Variants in TRAPPC9 observed in about 807,000 individuals in gnomAD.
The protein encoded by TRAPPC9 is IKK2 binding protein.
A neutral mutation model predicts 124.0 loss-of-function variants in TRAPPC9; 83 were observed. The observed-to-expected ratio is 0.67, with a 90% CI of 0.56 to 0.80. TRAPPC9 has a LOEUF of 0.80. Among genes scored for constraint, TRAPPC9 ranks in the 30% least tolerant of loss-of-function variants. TRAPPC9 has a pLI of 0.00. For missense variants in TRAPPC9, 1,302 were observed against 1,508.3 expected (o/e 0.86, Z 2.27); for synonymous variants, 638 against 617.5 (o/e 1.03, Z -0.49).
At position 140,334,023 on chromosome 8, in the gene TRAPPC9, C is replaced by T. The variant is rs1305067452; in HGVS notation, c.1496-22649G>A. On this transcript the variant is annotated intron_variant, in intron 9 of 22. Transcript: ENST00000438773. ...TTCCCAAAACCTTACCAAAAAAGTG[C>T]CATTGTTTACAGATGAGAGAAATTG... 2.0e-5 allele frequency among the ~76,000 whole-genome samples: 3 copies of T among 152,196 alleles called. No individual in the cohort carries two copies. The East Asian group carries it at 5.8e-4, about 29-fold the overall frequency.
intron 15 of TRAPPC9, among the ~76,000 whole-genome samples, chr8:140,258,803 C>T (rs2064329444): frequency 6.6e-6 from 1 of 152,226 alleles, no homozygotes; most frequent in African/African-American, 2.4e-5. Context: ...GGGGCCAGGG[C>T]CCAAGGCCTC....
intron 10 of TRAPPC9, among the ~76,000 whole-genome samples, chr8:140,301,908 C>A (rs1490865953): frequency 6.6e-6 from 1 of 152,226 alleles, no homozygotes; most frequent in Admixed American, 6.5e-5. Context: ...TCAGCAACCT[C>A]CCAGAGCTCA....
chr8:140,379,684 C>T (rs1189660579), intron 7 of TRAPPC9, among the ~76,000 whole-genome samples: 2 of 152,102 alleles, frequency 1.3e-5, no homozygotes, highest in Non-Finnish European at 2.9e-5. Flanking sequence ...AGCAACTAGA[C>T]TGAAGCCTTG....
chr8:140,354,199 C>G (rs1037791143), intron 9 of TRAPPC9, among the ~76,000 whole-genome samples: 2 of 152,156 alleles, frequency 1.3e-5, no homozygotes, highest in Non-Finnish European at 2.9e-5. Flanking sequence ...TCCCTCTGCC[C>G]TTTTAAGAGA....
intron 17 of TRAPPC9, among the ~76,000 whole-genome samples, chr8:140,204,255 A>C (rs925896517): frequency 6.6e-6 from 1 of 151,974 alleles, no homozygotes; most frequent in Non-Finnish European, 1.5e-5. Context: ...TGGATTAAGA[A>C]AATGTGGCAC....
chr8:140,345,244 C>G lies in TRAPPC9; in HGVS notation c.1495+14806G>C, dbSNP rs141931337. 4.6e-5 allele frequency among the ~76,000 whole-genome samples: 7 copies of G among 152,304 alleles called. No homozygotes were observed. In the East Asian group the frequency reaches 1.2e-3, roughly 25 times the overall value. ...GTGTGGGTGGTGAAGCCACCAGGAA[C>G]AGAGATGGGGTGGAGGTGCTGAGGA... On this transcript the variant is annotated intron_variant, in intron 9 of 22. Transcript: ENST00000438773.
chr8:140,369,305 A>G (rs1422621694), intron 8 of TRAPPC9, among the ~76,000 whole-genome samples: 2 of 152,200 alleles, frequency 1.3e-5, no homozygotes, highest in Non-Finnish European at 2.9e-5. Flanking sequence ...AGGACCTGAG[A>G]GCTCTGTGCA....
intron 10 of TRAPPC9, among the ~76,000 whole-genome samples, chr8:140,303,219 CATT>C (rs2066033229): frequency 6.6e-6 from 1 of 152,156 alleles, no homozygotes; most frequent in Admixed American, 6.5e-5. Context: ...TAAACGCCTT[CATT>C]AACTCTTAAG....
chr8:139,763,761 C>G (rs953689518), intron 21 of TRAPPC9, among the ~76,000 whole-genome samples: 1 of 152,178 alleles, frequency 6.6e-6, no homozygotes, highest in South Asian at 2.1e-4. Context: ...TCAGGGGAGA[C>G]GAGGAGTGGC....
chr8:139,939,287 G>A (rs1170366145), intron 19 of TRAPPC9, among the ~76,000 whole-genome samples: 1 of 152,178 alleles, frequency 6.6e-6, no homozygotes, highest in Non-Finnish European at 1.5e-5. Context: ...AGAGGTCAAG[G>A]AGCATAGGAG....
chr8:140,307,816 G>C (rs1034869934), intron 10 of TRAPPC9, among the ~76,000 whole-genome samples: 3 of 152,098 alleles, frequency 2.0e-5, no homozygotes, highest in African/African-American at 7.2e-5. Flanking sequence ...CCTTCTTTCT[G>C]CCTTGGATGT....
intron 19 of TRAPPC9, among the ~76,000 whole-genome samples, chr8:139,978,448 T>C (rs1049600255): frequency 6.6e-6 from 1 of 152,226 alleles, no homozygotes; most frequent in African/African-American, 2.4e-5. Context: ...AATGAAGTAT[T>C]GTGACATTTA....
chr8:139,825,537 A>G lies in TRAPPC9; in HGVS notation c.3055+60342T>C, dbSNP rs1825567226. On this transcript the variant is annotated intron_variant, in intron 21 of 22. Coordinates refer to ENST00000438773, the MANE Select transcript of TRAPPC9 (RefSeq NM_001160372.4). The surrounding 1 kb of genome is among the most constrained non-coding windows in gnomAD (Gnocchi z 4.6). ...CAGGATCTGAATCTCCACTCAGAGA[A>G]TCTCTGCCCTTAATCCCTTTGGGAT... Among the ~76,000 whole-genome samples, 1 of 152,166 alleles carries G rather than the reference A, an allele frequency of 6.6e-6. No homozygotes were observed. Among genetic ancestry groups the G allele is most frequent in the Non-Finnish European group, 1.5e-5 (1 of 68,022 alleles).
intron 21 of TRAPPC9, among the ~76,000 whole-genome samples, chr8:139,754,082 C>T (rs1819538087): frequency 6.6e-6 from 1 of 152,232 alleles, no homozygotes; most frequent in South Asian, 2.1e-4. Flanking sequence ...TTAGCTCAGG[C>T]TGGCTCTGCA....
chr8:139,823,845 C>T (rs990578465), intron 21 of TRAPPC9, among the ~76,000 whole-genome samples: 2 of 152,178 alleles, frequency 1.3e-5, no homozygotes, highest in Non-Finnish European at 2.9e-5. Context: ...GCTGGGGTCT[C>T]GCGGCCACAT....
chr8:140,175,424 T>G (rs903060053), intron 17 of TRAPPC9, among the ~76,000 whole-genome samples: 4 of 151,944 alleles, frequency 2.6e-5, no homozygotes, highest in Admixed American at 6.6e-5. Context: ...AAGCAGCACC[T>G]GAGATGCGGG....
intron 21 of TRAPPC9, among the ~76,000 whole-genome samples, chr8:139,763,912 G>A (rs930369870): frequency 2.6e-5 from 4 of 152,228 alleles, no homozygotes; most frequent in African/African-American, 9.6e-5. Context: ...TTGACAACTG[G>A]GGACACCGAG....
intron 11 of TRAPPC9, among the ~76,000 whole-genome samples, chr8:140,298,265 C>T (rs2065868722): frequency 2.0e-5 from 3 of 152,114 alleles, no homozygotes; most frequent in Admixed American, 1.3e-4. Flanking sequence ...TTAAGGCATT[C>T]GGATAATTTA....
At chr8:140,069,480 C>T (rs1210034972) in intron 17 of TRAPPC9, among the ~76,000 whole-genome samples, 2 of 152,122 alleles carry the variant, frequency 1.3e-5, no homozygotes, top group Admixed American at 6.5e-5. Context: ...TCACTGAGGG[C>T]GGTCCCTCTG....
Sources: gnomAD v4.1 joint callset for allele counts (sites outside exome capture counted in the v4.1 genomes callset) on GRCh38, gnomAD v4.1.1 for gene constraint, Gnocchi (gnomAD v3.1) non-coding constraint, MANE v1.5 for transcripts, NCBI Gene and HGNC (gene_info 2026-07-23, HGNC 2026-07-21) for gene names.